Variants in PPEF2 observed in about 807,000 individuals in gnomAD.
PPEF2 encodes the protein serine/threonine-protein phosphatase with EF-hands 2.
Under a neutral mutation model 84.7 loss-of-function variants are expected in PPEF2, and 84 were observed. The observed-to-expected ratio is 0.99, with a 90% CI of 0.83 to 1.19. The LOEUF is 1.19. PPEF2 is among the 50% of genes most tolerant of loss of function. PPEF2 has a pLI of 0.00. For synonymous variants in PPEF2, 346 were observed against 345.2 expected (o/e 1.00, Z -0.03); for missense variants, 924 against 937.5 (o/e 0.99, Z 0.19).
At chr4:75,883,334 C>A in intron 8 of PPEF2, 132 bp from the exon 9 acceptor site, 1 of 798,692 alleles carries the variant, frequency 1.3e-6, no homozygotes, top group East Asian at 2.5e-5. Flanking sequence ...GAGGAATAAT[C>A]ACCAAAATGT....
intron 4 of PPEF2, among the ~76,000 whole-genome samples, chr4:75,890,387 G>A (rs1001500873): frequency 6.6e-6 from 1 of 151,620 alleles, no homozygotes; most frequent in Non-Finnish European, 1.5e-5. Flanking sequence ...TACTCAAGAG[G>A]CTGAGATGGG....
chr4:75,882,786 C>T (rs1724609567), intron 10 of PPEF2, 140 bp downstream of exon 10: 3 of 896,322 alleles, frequency 3.3e-6, no homozygotes, highest in Non-Finnish European at 5.0e-6. Flanking sequence ...AGACACTGTG[C>T]CCAGCCTCCA....
At chr4:75,898,104 C>T (rs932342332) in intron 1 of PPEF2, among the ~76,000 whole-genome samples, 1 of 152,244 alleles carries the variant, frequency 6.6e-6, no homozygotes, top group Non-Finnish European at 1.5e-5. Flanking sequence ...AGGAGCATGT[C>T]CTTAAGGCAC....
intron 4 of PPEF2, among the ~76,000 whole-genome samples, chr4:75,891,209 A>T (rs1724873399): frequency 6.6e-6 from 1 of 150,776 alleles, no homozygotes; most frequent in Admixed American, 6.6e-5. Flanking sequence ...AAAAGAAAAG[A>T]AAAAGCCTCC....
intron 16 of PPEF2, among the ~76,000 whole-genome samples, chr4:75,861,316 A>G (rs1246227091): frequency 6.6e-6 from 1 of 152,014 alleles, no homozygotes; most frequent in Non-Finnish European, 1.5e-5. Context: ...TAATCATCTC[A>G]AACATATCCT....
intron 8 of PPEF2, 74 bp downstream of exon 8, chr4:75,884,520 G>A: frequency 7.0e-7 from 1 of 1,421,198 alleles, no homozygotes; most frequent in Non-Finnish European, 9.4e-7. Context: ...TAACAAATAA[G>A]AAGTTCTGGA....
intron 8 of PPEF2, among the ~76,000 whole-genome samples, chr4:75,883,705 C>A (rs2149222557): frequency 6.7e-6 from 1 of 150,324 alleles, no homozygotes; most frequent in African/African-American, 2.5e-5. Flanking sequence ...GTAGTCCCAG[C>A]TACTGAGGAT....
rs1488245447 is a variant in PPEF2 at position 75,890,069 on chromosome 4, C to T, written c.305G>A (p.Cys102Tyr). Residue 102 changes from cysteine (C) to tyrosine (Y), a missense_variant, in exon 5 of 17, where the codon TGC becomes TAC. Transcript: ENST00000286719. ...RFAQDSEMKK[C>Y]SDYESIEVPD... is the part of the protein sequence containing the mutation. ...TACCTCTATGGATTCATAGTCACTG[C>T]ATTTCTTCATCTCGGAGTCCTGGGC... The T allele has an allele frequency of 1.2e-6, 2 of 1,614,098 alleles. No individual in the cohort carries two copies. The highest frequency in any genetic ancestry group is 1.7e-4 in the Middle Eastern group (1 of 6,058).
intron 6 of PPEF2, 58 bp from the exon 7 acceptor site, chr4:75,886,956 T>C: frequency 1.1e-6 from 1 of 945,892 alleles, no homozygotes; most frequent in Non-Finnish European, 1.6e-6. Flanking sequence ...TGCTTCTGAT[T>C]TTTATTATAA....
chr4:75,867,250 G>T, intron 14 of PPEF2, 63 bp downstream of exon 14: 1 of 1,323,466 alleles, frequency 7.6e-7, no homozygotes, highest in Non-Finnish European at 1.1e-6. Context: ...GCTAACTAGT[G>T]TAAGACAGAG....
At chr4:75,871,857 G>A (rs1724287983) in intron 13 of PPEF2, among the ~76,000 whole-genome samples, 168 bp downstream of exon 13, 1 of 152,194 alleles carries the variant, frequency 6.6e-6, no homozygotes, top group Admixed American at 6.5e-5. Flanking sequence ...GGAGAAGGAA[G>A]AGACTCCTAC....
chr4:75,896,428 G>A (rs1937127277), intron 1 of PPEF2, 45 bp from the exon 2 acceptor site: 7 of 1,319,346 alleles, frequency 5.3e-6, no homozygotes, highest in Non-Finnish European at 6.5e-6. Context: ...TGCAGGCAGA[G>A]TATTAAATCG....
intron 11 of PPEF2, among the ~76,000 whole-genome samples, chr4:75,873,809 T>C (rs746386451): frequency 1.8e-4 from 27 of 151,938 alleles, no homozygotes; most frequent in Non-Finnish European, 3.2e-4. Context: ...TTTTTTTTTT[T>C]ACAAATTGCA....
At chr4:75,886,489 C>A (rs1724729231) in intron 7 of PPEF2, among the ~76,000 whole-genome samples, 1 of 152,148 alleles carries the variant, frequency 6.6e-6, no homozygotes, top group South Asian at 2.1e-4. Context: ...TCGCACTGAG[C>A]AGAGCAGCTC....
chr4:75,880,008 T>C (rs2149220586), intron 10 of PPEF2, among the ~76,000 whole-genome samples: 1 of 152,134 alleles, frequency 6.6e-6, no homozygotes, highest in Admixed American at 6.5e-5. Context: ...TTTGTACTTT[T>C]AGTAGAGACG....
chr4:75,866,001 A>C (rs1219205274), intron 15 of PPEF2, among the ~76,000 whole-genome samples, 188 bp downstream of exon 15: 1 of 152,192 alleles, frequency 6.6e-6, no homozygotes, highest in African/African-American at 2.4e-5. Flanking sequence ...TTTGAGGATT[A>C]ACTGAGGCAA....
chr4:75,900,925 T>C (rs1725105790), intron 1 of PPEF2, among the ~76,000 whole-genome samples: 1 of 152,110 alleles, frequency 6.6e-6, no homozygotes, highest in East Asian at 1.9e-4. Context: ...AGAGCACGCC[T>C]AGTGTGATAT....
chr4:75,889,617 G>A (rs542189170), intron 5 of PPEF2, among the ~76,000 whole-genome samples: 1 of 152,212 alleles, frequency 6.6e-6, no homozygotes, highest in East Asian at 1.9e-4. Context: ...CTGCCTCCCC[G>A]ATGGAATGCC....
chr4:75,880,423 AT>A, intron 10 of PPEF2, among the ~76,000 whole-genome samples: 3 of 152,284 alleles, frequency 2.0e-5, no homozygotes, highest in Middle Eastern at 6.8e-3. Context: ...GGACTGTATC[AT>A]TTGCTGCATC....
Sources: allele counts gnomAD v4.1 joint callset (sites outside exome capture counted in the v4.1 genomes callset), GRCh38; gene constraint gnomAD v4.1.1; transcripts MANE v1.5; gene names NCBI Gene and HGNC (gene_info 2026-07-23, HGNC 2026-07-21).